The following FGD5 variants were observed in gnomAD, a reference collection of about 807,000 sequenced individuals.
The protein encoded by FGD5 is FYVE, RhoGEF and PH domain containing 5.
A neutral mutation model predicts 133.4 loss-of-function variants in FGD5; 28 were observed. The ratio of observed to expected loss-of-function variants is 0.21; its 90% CI spans 0.16 to 0.29. The LOEUF (loss-of-function observed/expected upper bound fraction) is 0.29. FGD5 is among the 10% of genes least tolerant of loss of function. The pLI, the probability that FGD5 is intolerant of heterozygous loss-of-function variation, is 1.00. For missense variants in FGD5, 1,858 were observed against 1,895.2 expected, an observed-to-expected ratio of 0.98 and a Z score of 0.36; for synonymous variants, 810 against 776.5, an observed-to-expected ratio of 1.04 and a Z score of -0.72.
intron 6 of FGD5, 73 bp from the exon 7 acceptor site, chr3:14,898,666 A>G (rs2038181922): frequency 1.6e-6 from 2 of 1,248,936 alleles, no homozygotes; most frequent in East Asian, 5.1e-5. Context: ...GACAGTGTAT[A>G]TGGGCTGCTG....
chr3:14,930,262 CT>C (rs1259624984), intron 18 of FGD5, among the ~76,000 whole-genome samples: 1 of 152,172 alleles, frequency 6.6e-6, no homozygotes, highest in African/African-American at 2.4e-5. Context: ...TATAGTAAGT[CT>C]TGAAGTCAGG....
chr3:14,819,067 A>C lies in FGD5; in HGVS notation c.-5A>C. 1 of 1,545,378 alleles carries C rather than the reference A, an allele frequency of 6.5e-7. No homozygotes were observed. ...AGGCCCGAGAGTCTTCACAGTCCAA[A>C]CTCCATGTTCAGGGGTCCGAAGCCC... On this transcript the variant is annotated 5_prime_UTR_variant, in exon 1 of 20. Transcript: ENST00000285046. This position sits in a 1 kb window ranked among gnomAD's most constrained non-coding sequence, Gnocchi z 4.1.
chr3:14,904,406 T>C (rs1258583765), intron 9 of FGD5, among the ~76,000 whole-genome samples: 1 of 152,228 alleles, frequency 6.6e-6, no homozygotes, highest in Non-Finnish European at 1.5e-5. Context: ...CACTTCCTTA[T>C]TTATTTTATT....
intron 2 of FGD5, among the ~76,000 whole-genome samples, chr3:14,865,513 T>C (rs2037477314): frequency 6.6e-6 from 1 of 152,012 alleles, no homozygotes; most frequent in Non-Finnish European, 1.5e-5. Flanking sequence ...GTCCCTTCTC[T>C]CTCCAGTGGC....
At chr3:14,915,361 A>G (rs1357422022) in intron 11 of FGD5, among the ~76,000 whole-genome samples, 1 of 152,244 alleles carries the variant, frequency 6.6e-6, no homozygotes, top group Non-Finnish European at 1.5e-5. Context: ...GACTTTTCAC[A>G]TGCAGTGTCT....
intron 1 of FGD5, among the ~76,000 whole-genome samples, chr3:14,848,662 A>G (rs1256370856): frequency 1.3e-5 from 2 of 152,218 alleles, no homozygotes; most frequent in African/African-American, 4.8e-5. Flanking sequence ...TATTTTTTAA[A>G]TTTATGCAAA....
intron 9 of FGD5, among the ~76,000 whole-genome samples, chr3:14,902,419 A>G (rs1022073655): frequency 5.9e-5 from 9 of 152,064 alleles, no homozygotes; most frequent in Non-Finnish European, 1.3e-4. Context: ...TGGACGGTGC[A>G]TGTTGGAGTT....
At chr3:14,844,247 TATATATATATATATATATATATATAA>T (rs2036997228) in intron 1 of FGD5, among the ~76,000 whole-genome samples, 1 of 54,690 alleles carries the variant, frequency 1.8e-5, no homozygotes, top group Non-Finnish European at 3.5e-5. Flanking sequence ...TATATATATA[TATATATATATATATATATATATATAA>T]TGCAGGTTTC....
intron 1 of FGD5, among the ~76,000 whole-genome samples, chr3:14,827,613 G>A (rs941804108): frequency 6.6e-6 from 1 of 152,174 alleles, no homozygotes; most frequent in Non-Finnish European, 1.5e-5. Context: ...TCAAGGAAAA[G>A]TGAAAGGACA....
chr3:14,893,758 T>TC (rs2038079429), intron 4 of FGD5, among the ~76,000 whole-genome samples: 1 of 136,386 alleles, frequency 7.3e-6, no homozygotes, highest in Non-Finnish European at 1.6e-5. Flanking sequence ...TTTTCTTTTT[T>TC]TTTTTTTTTT....
intron 1 of FGD5, among the ~76,000 whole-genome samples, chr3:14,813,394 C>T (rs1282715937): frequency 1.3e-5 from 2 of 152,108 alleles, no homozygotes; most frequent in African/African-American, 2.4e-5. Context: ...CTAACAGCAG[C>T]CTAATTAGAA....
At chr3:14,914,270 G>T (rs1203953811) in intron 11 of FGD5, among the ~76,000 whole-genome samples, 1 of 152,220 alleles carries the variant, frequency 6.6e-6, no homozygotes, top group Non-Finnish European at 1.5e-5. Context: ...GGGCATCTGG[G>T]CGCCCACGCC....
chr3:14,928,555 G>A (rs1269131505), intron 18 of FGD5, among the ~76,000 whole-genome samples: 3 of 152,052 alleles, frequency 2.0e-5, no homozygotes, highest in African/African-American at 7.2e-5. Context: ...GAACAGCCTG[G>A]CCAACATGGC....
chr3:14,919,822 C>T (rs2038640193), intron 13 of FGD5, among the ~76,000 whole-genome samples: 1 of 152,126 alleles, frequency 6.6e-6, no homozygotes, highest in Non-Finnish European at 1.5e-5. Context: ...GCAAGGGTCT[C>T]TCTGGGGCCT....
rs1003881696 is a variant in FGD5 at position 14,898,014 on chromosome 3, G to C, written c.2985G>C (p.Leu995=). The change falls in exon 6 of 20, where the codon CTG becomes CTC. Residue 995 remains leucine (L), a synonymous_variant. Coordinates refer to ENST00000285046, the MANE Select transcript of FGD5 (RefSeq NM_152536.4). ...TTGATCACCACGCCACTCACATCCTGCAGTTCGACAGGTACCTAGGTCTGC... is the reference window on the plus strand; with the variant it reads ...TTGATCACCACGCCACTCACATCCTCCAGTTCGACAGGTACCTAGGTCTGC... ...QGFDHHATHI[L]QFDRYLGLLS... The C allele has an allele frequency of 1.9e-6, 3 of 1,613,876 alleles. No individual in the cohort carries two copies. In the African/African-American group the frequency reaches 4.0e-5, roughly 22 times the overall value.
In FGD5 at chr3:14,819,448, C is replaced by T. The variant is rs200549806; in HGVS notation, c.377C>T (p.Pro126Leu). 1.9e-4 allele frequency: 296 copies of T among 1,550,304 alleles called. 1 individual carries two copies. Among genetic ancestry groups the T allele is most frequent in the African/African-American group, 1.5e-3 (113 of 73,122 alleles). The change falls in exon 1 of 20, where the codon CCG (proline) becomes CTG (leucine). Residue 126 changes from proline to leucine, a missense_variant. This residue lies in a region of FGD5 where 1,824 missense variants were observed against 1,848.9 expected (regional missense o/e 0.99). Coordinates refer to ENST00000285046, the MANE Select transcript of FGD5 (RefSeq NM_152536.4). This position sits in a 1 kb window ranked among gnomAD's most constrained non-coding sequence, Gnocchi z 4.1. ...AGEDSVAPAAPGAGALSREGE... is the reference protein window; with the variant it reads ...AGEDSVAPAALGAGALSREGE... ...GAGGATTCAGTGGCCCCTGCTGCTC[C>T]GGGTGCAGGAGCGCTGAGCAGGGAG... is the stretch of plus-strand genomic sequence containing the variant.
rs763195626 is a variant in FGD5 at position 14,897,650 on chromosome 3, G to A, written c.2890G>A (p.Glu964Lys). 5 of 1,604,828 alleles carry A rather than the reference G, an allele frequency of 3.1e-6. No homozygotes were observed. In the South Asian group the frequency reaches 3.4e-5, roughly 11 times the overall value. The change falls in exon 5 of 20, where the codon GAG (glutamate) becomes AAG (lysine). Residue 964 changes from glutamate (E) to lysine (K), a missense_variant. Glu to Lys is a moderately conservative substitution (Grantham distance 56, BLOSUM62 1). Around this residue, in one of 3 missense-constraint regions of FGD5, gnomAD observed 1,824 missense variants for 1,848.9 expected, o/e 0.99. Transcript: ENST00000285046. ...TCATCAAGGCATCCTGGAGGAGCTGGAGGAAAGGCTGTCAAATTGGTGAGC... is the reference window on the plus strand; with the variant it reads ...TCATCAAGGCATCCTGGAGGAGCTGAAGGAAAGGCTGTCAAATTGGTGAGC... ...DLHQGILEEL[E>K]ERLSNWESQQ...
intron 1 of FGD5, among the ~76,000 whole-genome samples, chr3:14,843,707 G>T (rs2036970505): frequency 4.5e-5 from 4 of 88,720 alleles, no homozygotes; most frequent in African/African-American, 9.9e-5. Flanking sequence ...TTTTTTTGGG[G>T]GGAGACAGAG....
At chr3:14,891,124 TG>T (rs1421347030) in intron 4 of FGD5, among the ~76,000 whole-genome samples, 2 of 152,174 alleles carry the variant, frequency 1.3e-5, no homozygotes, top group Admixed American at 1.3e-4. Flanking sequence ...TTTCTTTTCC[TG>T]GGATGCCAGG....
Sources: gnomAD v4.1 joint callset for allele counts (sites outside exome capture counted in the v4.1 genomes callset) on GRCh38, gnomAD v4.1.1 for gene constraint, gnomAD v4.1.1 regional missense constraint, Gnocchi (gnomAD v3.1) non-coding constraint, MANE v1.5 for transcripts, NCBI Gene and HGNC (gene_info 2026-07-23, HGNC 2026-07-21) for gene names.